RELT: variants seen among roughly 807,000 people sequenced by gnomAD.
RELT encodes the protein RELT TNF receptor, also known as tumor necrosis factor receptor superfamily member 19L.
RELT carries 37 observed loss-of-function variants against 51.1 expected under a neutral mutation model. The ratio of observed to expected loss-of-function variants is 0.72; its 90% CI spans 0.56 to 0.95. The LOEUF (loss-of-function observed/expected upper bound fraction) is 0.95. Ranked by LOEUF, RELT falls within the 40% of genes least tolerant of loss-of-function variation. The pLI is 0.00. For missense variants in RELT, 535 were observed against 572.6 expected (o/e 0.93, Z 0.67); for synonymous variants, 241 against 235.7 (o/e 1.02, Z -0.21).
intron 5 of RELT, 41 bp from the exon 6 acceptor site, chr11:73,392,170 C>G: frequency 6.3e-7 from 1 of 1,597,876 alleles, no homozygotes. Flanking sequence ...GTGTTTGTGT[C>G]ACTCTGCTTT....
intron 4 of RELT, 29 bp downstream of exon 4, chr11:73,390,950 C>T: frequency 3.1e-6 from 5 of 1,603,878 alleles, no homozygotes; most frequent in Non-Finnish European, 4.2e-6. Flanking sequence ...GGGGAGGGCT[C>T]CTGGCTGGGT....
chr11:73,388,494 G>A lies in RELT; in HGVS notation c.-25-618G>A, dbSNP rs936803191. Among the ~76,000 whole-genome samples the A allele has an allele frequency of 7.2e-5, 11 of 152,230 alleles. No individual in the cohort carries two copies. Among genetic ancestry groups the A allele is most frequent in the Non-Finnish European group, 1.5e-4 (10 of 68,048 alleles). On this transcript the variant is annotated intron_variant, in intron 1 of 10. Coordinates refer to ENST00000064780, the MANE Select transcript of RELT (RefSeq NM_152222.2). This position sits in a 1 kb window ranked among gnomAD's most constrained non-coding sequence, Gnocchi z 4.1. Reference sequence around the variant, plus strand: ...GACAGTGGCCATGCAGAAGGACCAGGACCTAGATGGGGTGGGGAGCTGTGG... The same window carrying A: ...GACAGTGGCCATGCAGAAGGACCAGAACCTAGATGGGGTGGGGAGCTGTGG...
At chr11:73,392,945 G>C in intron 6 of RELT, 5 of 1,011,754 alleles carry the variant, frequency 4.9e-6, no homozygotes, top group Non-Finnish European at 5.9e-6. Context: ...GCCTGGAACC[G>C]GAGGGACAGG....
At position 73,389,177 on chromosome 11, in the gene RELT, T is replaced by C; in HGVS notation, c.41T>C (p.Leu14Pro). 1 of 1,547,384 alleles carries C rather than the reference T, an allele frequency of 6.5e-7. No homozygotes were observed. The highest frequency in any genetic ancestry group is 8.7e-7 in the Non-Finnish European group (1 of 1,145,732). Residue 14 changes from leucine (L) to proline (P), a missense_variant, in exon 2 of 11, where the codon CTT (leucine) becomes CCT (proline). By Grantham distance (98) the Leu-to-Pro change is moderately conservative (BLOSUM62 -3). Coordinates refer to ENST00000064780, the MANE Select transcript of RELT (RefSeq NM_152222.2). ...CTGTGCCGGCCCCTGTCCTGCTTCC[T>C]TATGGTGAGCTGGGGATGGGCCCTG... Reference protein sequence around the residue: ...SLLCRPLSCFLMLLPWPLATL... With the variant: ...SLLCRPLSCFPMLLPWPLATL...
chr11:73,384,729 C>T (rs553715562), intron 1 of RELT: 2 of 152,394 alleles, frequency 1.3e-5, no homozygotes, highest in Admixed American at 6.5e-5. Context: ...GGGCTCTCTA[C>T]CAAGAGTGCC....
chr11:73,383,447 C>T lies in RELT; in HGVS notation c.-25-5665C>T, dbSNP rs1039982487. ...TATAGATGCAGGCAACTCCTAGAGG[C>T]CCCATGGGATGGCGGTGCAGACAGC... On this transcript the variant is annotated intron_variant, in intron 1 of 10. Coordinates refer to ENST00000064780, the MANE Select transcript of RELT (RefSeq NM_152222.2). Among the ~76,000 whole-genome samples, 3 of 152,340 alleles carry T rather than the reference C, an allele frequency of 2.0e-5. No homozygotes were observed. In the East Asian group the frequency reaches 5.8e-4, roughly 29 times the overall value.
intron 1 of RELT, among the ~76,000 whole-genome samples, chr11:73,387,489 C>T (rs1354884924): frequency 6.6e-6 from 1 of 152,216 alleles, no homozygotes; most frequent in Non-Finnish European, 1.5e-5. Flanking sequence ...GGACCCTCCC[C>T]AAATAGCCTG....
chr11:73,397,417 C>G lies in RELT; in HGVS notation c.*1926C>G, dbSNP rs1440186609. 1 of 152,266 alleles carries G rather than the reference C, an allele frequency of 6.6e-6. No individual in the cohort carries two copies. The highest frequency in any genetic ancestry group is 1.5e-5 in the Non-Finnish European group (1 of 68,048). 9.4% of individuals were successfully genotyped at this position (152,266 alleles called of 1,614,324 possible). The stretch of plus-strand genomic sequence containing the variant: ...CCCGGCCCAAGGGCCGCATGTGGCC[C>G]AGGATATGGCTTTGAATGGGGCCTA... On this transcript the variant is annotated 3_prime_UTR_variant, in exon 11 of 11. Coordinates refer to ENST00000064780, the MANE Select transcript of RELT (RefSeq NM_152222.2).
At chr11:73,383,057 A>G (rs1329484247) in intron 1 of RELT, among the ~76,000 whole-genome samples, 1 of 152,162 alleles carries the variant, frequency 6.6e-6, no homozygotes. Flanking sequence ...GAGGTGCAGA[A>G]CCATGCCCAA....
chr11:73,379,750 G>T (rs960371788), intron 1 of RELT, among the ~76,000 whole-genome samples: 1 of 152,200 alleles, frequency 6.6e-6, no homozygotes, highest in African/African-American at 2.4e-5. Flanking sequence ...CCCTGCCCAG[G>T]CTCTGGTTCT....
intron 1 of RELT, among the ~76,000 whole-genome samples, chr11:73,382,149 C>G (rs1866059881): frequency 6.6e-6 from 1 of 152,224 alleles, no homozygotes; most frequent in Non-Finnish European, 1.5e-5. Context: ...CCTCCCTGCT[C>G]CACCACTGCA....
At chr11:73,384,373 C>G (rs1379922690) in intron 1 of RELT, 2 of 152,332 alleles carry the variant, frequency 1.3e-5, no homozygotes, top group Non-Finnish European at 2.9e-5. Flanking sequence ...CCCAGCACCG[C>G]CTGTATACCA....
rs1028286837 is a variant in RELT, at chr11:73,388,016, C to T, written c.-25-1096C>T. On this transcript the variant is annotated intron_variant, in intron 1 of 10. Coordinates refer to ENST00000064780, the MANE Select transcript of RELT (RefSeq NM_152222.2). This position sits in a 1 kb window ranked among gnomAD's most constrained non-coding sequence, Gnocchi z 4.1. ...GGACTTCCTTGCTCTGCCACCTGTC[C>T]CTTCTGCTGTCTGATGTGAATCCTT... Among the ~76,000 whole-genome samples the T allele has an allele frequency of 2.0e-5, 3 of 152,230 alleles. No homozygotes were observed. Among genetic ancestry groups the T allele is most frequent in the African/African-American group, 4.8e-5 (2 of 41,464 alleles).
chr11:73,378,633 T>G (rs891097760), intron 1 of RELT, among the ~76,000 whole-genome samples: 18 of 152,350 alleles, frequency 1.2e-4, no homozygotes, highest in African/African-American at 4.1e-4. Context: ...CTTGGGCTAG[T>G]AGGCGTGGCC....
At chr11:73,383,212 G>A (rs1866075561) in intron 1 of RELT, among the ~76,000 whole-genome samples, 1 of 152,196 alleles carries the variant, frequency 6.6e-6, no homozygotes, top group African/African-American at 2.4e-5. Flanking sequence ...GGGGGCAGGA[G>A]TGGAGCACCT....
intron 1 of RELT, among the ~76,000 whole-genome samples, chr11:73,386,790 G>C (rs1866130880): frequency 6.6e-6 from 1 of 152,150 alleles, no homozygotes; most frequent in South Asian, 2.1e-4. Context: ...CCTAGCAGGT[G>C]CCACCCAGGG....
chr11:73,392,391 G>T lies in RELT; in HGVS notation c.548G>T (p.Cys183Phe). Residue 183 changes from cysteine to phenylalanine, a missense_variant, in exon 6 of 11, where the codon TGC becomes TTC. Transcript: ENST00000064780. ...ATGGGGCTGTTGGGCATCCTGGTGT[G>T]CAACCTCCTCAAGCGGAAGGGCTAC... The part of the protein sequence containing the change: ...CLMGLLGILV[C>F]NLLKRKGYHC... 6.2e-7 allele frequency: 1 copy of T among 1,613,810 alleles called. No individual in the cohort carries two copies. Among genetic ancestry groups the T allele is most frequent in the Non-Finnish European group, 8.5e-7 (1 of 1,179,924 alleles).
chr11:73,389,709 C>T (rs1422947128), intron 2 of RELT, among the ~76,000 whole-genome samples: 1 of 152,214 alleles, frequency 6.6e-6, no homozygotes, highest in Non-Finnish European at 1.5e-5. Flanking sequence ...ACGCTAGAAG[C>T]TCAGGGAGGG....
intron 1 of RELT, among the ~76,000 whole-genome samples, chr11:73,382,184 G>A (rs943857938): frequency 3.0e-4 from 45 of 152,196 alleles, no homozygotes; most frequent in African/African-American, 9.4e-4. Flanking sequence ...AGTCCTCAGC[G>A]TAGCTCCACT....
Sources: allele counts gnomAD v4.1 joint callset (sites outside exome capture counted in the v4.1 genomes callset), GRCh38; gene constraint gnomAD v4.1.1; non-coding constraint Gnocchi (gnomAD v3.1); transcripts MANE v1.5; gene names NCBI Gene and HGNC (gene_info 2026-07-23, HGNC 2026-07-21).